Variants in SPOCK2 observed in about 807,000 individuals in gnomAD.
SPOCK2 encodes testican-2.
SPOCK2 carries 39 observed loss-of-function variants against 60.1 expected under a neutral mutation model. The ratio of observed to expected loss-of-function variants is 0.65; its 90% CI spans 0.50 to 0.85. The LOEUF (loss-of-function observed/expected upper bound fraction) is 0.85, where lower values mean the gene tolerates loss of function less well. Ranked by LOEUF, SPOCK2 falls within the 40% of genes least tolerant of loss-of-function variation. The probability of loss-of-function intolerance (pLI) is 0.00; values close to 1 mark genes in which losing one functional copy is unlikely to be tolerated. For synonymous variants in SPOCK2, 217 were observed against 231.5 expected, an observed-to-expected ratio of 0.94 and a Z score of 0.57; for missense variants, 523 against 567.4, an observed-to-expected ratio of 0.92 and a Z score of 0.80.
Position 72,062,528 on chromosome 10 carries a change from C to T in SPOCK2, c.*232G>A. 1.4e-6 allele frequency: 1 copy of T among 715,944 alleles called. No homozygotes were observed. The highest frequency in any genetic ancestry group is 2.1e-6 in the Non-Finnish European group (1 of 474,608). The allele number at this position is 715,944 out of a possible 1,614,324, so 44.3% of individuals were successfully genotyped here. A position where few individuals can be genotyped will look rare whatever the true frequency, so the allele number is the denominator to read the frequency against. The stretch of plus-strand genomic sequence containing the variant: ...CAGTGTGGATCAAGGACACATTTGT[C>T]AGCGCATGCCACACACACACACACA... On this transcript the variant is annotated 3_prime_UTR_variant, in exon 11 of 11. Coordinates refer to ENST00000373109, the MANE Select transcript of SPOCK2 (RefSeq NM_001244950.2). The surrounding 1 kb of genome is among the most constrained non-coding windows in gnomAD (Gnocchi z 4.3).
At chr10:72,064,656 C>G (rs373952864) in intron 8 of SPOCK2, among the ~76,000 whole-genome samples, 1 of 152,192 alleles carries the variant, frequency 6.6e-6, no homozygotes, top group Non-Finnish European at 1.5e-5. Flanking sequence ...CAACAATGGA[C>G]GGTGGCCCCA....
rs1287622614 is a variant in SPOCK2 at position 72,087,854 on chromosome 10, TC to T, written c.189+285del. ...CCCCCGGCCCCGCACCCCTTCCCAC[TC>T]CCGGCCCGCAGGGGAGACCCCGGAG... On this transcript the variant is annotated intron_variant, in intron 1 of 10. Transcript: ENST00000373109. This position sits in a 1 kb window ranked among gnomAD's most constrained non-coding sequence, Gnocchi z 4.7. 1.3e-5 allele frequency among the ~76,000 whole-genome samples: 2 copies of T among 151,588 alleles called. No individual in the cohort carries two copies. The highest frequency in any genetic ancestry group is 4.9e-5 in the African/African-American group (2 of 41,234).
At chr10:72,086,960 C>T in intron 1 of SPOCK2, 1 of 1,551,660 alleles carries the variant, frequency 6.4e-7, no homozygotes, top group East Asian at 2.4e-5. Flanking sequence ...ATGGTGTGGC[C>T]TGCGTTGTAC....
At chr10:72,088,607 C>G, upstream of SPOCK2, 1 of 302,588 alleles carries the variant, frequency 3.3e-6, no homozygotes. Flanking sequence ...CGTTTGACAT[C>G]ATCATACCTG....
chr10:72,071,456 T>G (rs1840646387), intron 4 of SPOCK2, among the ~76,000 whole-genome samples: 1 of 152,228 alleles, frequency 6.6e-6, no homozygotes, highest in South Asian at 2.1e-4. Context: ...CCCAAAGTGC[T>G]GGGATTACAG....
rs1423472837 is a variant in SPOCK2 at position 72,062,786 on chromosome 10, C to A, written c.1249G>T (p.Ala417Ser). The change falls in exon 11 of 11, where the codon GCT becomes TCT. Residue 417 changes from alanine (A) to serine (S), a missense_variant. Ala to Ser is a moderately conservative substitution (Grantham distance 99). Transcript: ENST00000373109. This position sits in a 1 kb window ranked among gnomAD's most constrained non-coding sequence, Gnocchi z 4.3. Reference sequence around the variant, plus strand: ...TACCAGATGTAGCCCCCGTCGTCAGCCTCGCCTGCCTCGCCCTCCTCCTCC... The same window carrying A: ...TACCAGATGTAGCCCCCGTCGTCAGACTCGCCTGCCTCGCCCTCCTCCTCC... ...AEEEEGEAGE[A>S]DDGGYIW 5.0e-6 allele frequency: 8 copies of A among 1,607,548 alleles called. No homozygotes were observed. In the Admixed American group the frequency reaches 5.0e-5, roughly 10 times the overall value.
chr10:72,082,492 C>T (rs971996084), intron 1 of SPOCK2, among the ~76,000 whole-genome samples: 4 of 152,074 alleles, frequency 2.6e-5, no homozygotes, highest in African/African-American at 9.7e-5. Context: ...GGAGGCGGGG[C>T]CTTGGGGGAG....
chr10:72,081,255 CTG>C (rs1840779759), intron 1 of SPOCK2, among the ~76,000 whole-genome samples: 1 of 152,216 alleles, frequency 6.6e-6, no homozygotes, highest in African/African-American at 2.4e-5. Flanking sequence ...TTCTTCCAAA[CTG>C]AGAACTTGGA....
intron 6 of SPOCK2, 118 bp from the exon 7 acceptor site, chr10:72,067,850 C>A: frequency 6.8e-7 from 1 of 1,461,202 alleles, no homozygotes. Flanking sequence ...GAGGCAGCAG[C>A]AGAAGGGAAG....
rs750090353 is a variant in SPOCK2 at position 72,062,975 on chromosome 10, G to T, written c.1129+50C>A. 55 of 1,577,312 alleles carry T rather than the reference G, an allele frequency of 3.5e-5. No homozygotes were observed. Among genetic ancestry groups the T allele is most frequent in the Non-Finnish European group, 4.6e-5 (54 of 1,163,744 alleles). ...CGCACCCCCCAGCATCCCACGACAA[G>T]GGCCCCCAGGCCTGGGCCCCCAGCA... On this transcript the variant is annotated intron_variant, in intron 10 of 10. Coordinates refer to ENST00000373109, the MANE Select transcript of SPOCK2 (RefSeq NM_001244950.2). This position sits in a 1 kb window ranked among gnomAD's most constrained non-coding sequence, Gnocchi z 4.3.
At chr10:72,080,373 G>T (rs1255545703) in intron 1 of SPOCK2, among the ~76,000 whole-genome samples, 1 of 152,214 alleles carries the variant, frequency 6.6e-6, no homozygotes, top group Non-Finnish European at 1.5e-5. Context: ...CTCAGGCAAC[G>T]GGGCCTGTGA....
chr10:72,081,006 C>G (rs912585797), intron 1 of SPOCK2, among the ~76,000 whole-genome samples: 32 of 152,072 alleles, frequency 2.1e-4, no homozygotes, highest in Admixed American at 1.8e-3. Flanking sequence ...ATGTTCTGAG[C>G]TGCCTCAGGA....
At chr10:72,074,059 A>G (rs1840683678) in intron 1 of SPOCK2, among the ~76,000 whole-genome samples, 1 of 152,174 alleles carries the variant, frequency 6.6e-6, no homozygotes, top group African/African-American at 2.4e-5. Flanking sequence ...TGCCCCCTTC[A>G]TCCTGAGTTC....
rs12764165 is a variant in SPOCK2, at chr10:72,065,170, A to G, written c.929-930T>C. On this transcript the variant is annotated intron_variant, in intron 8 of 10. Transcript: ENST00000373109. ...CCTGCCTCAGCCTCCCAAGTAGCTGAGATTACAGGCACCTGCCACCATGCC... is the reference window on the plus strand; with the variant it reads ...CCTGCCTCAGCCTCCCAAGTAGCTGGGATTACAGGCACCTGCCACCATGCC... 7.3e-3 allele frequency among the ~76,000 whole-genome samples: 697 copies of G among 95,018 alleles called. 81 individuals are homozygous for G. Among genetic ancestry groups the G allele is most frequent in the African/African-American group, 0.019 (653 of 33,980 alleles). The allele number at this position is 95,018 out of a possible 152,430, so 62.3% of individuals were successfully genotyped here. A position where few individuals can be genotyped will look rare whatever the true frequency, so the allele number is the denominator to read the frequency against.
At chr10:72,088,098 C>T (rs778720623) in intron 1 of SPOCK2, 42 bp downstream of exon 1, 3 of 1,602,680 alleles carry the variant, frequency 1.9e-6, no homozygotes, top group South Asian at 2.2e-5. Flanking sequence ...ATCCCCGAAC[C>T]CGCAACCCCG....
chr10:72,088,592 C>A, upstream of SPOCK2: 2 of 406,426 alleles, frequency 4.9e-6, no homozygotes, highest in Non-Finnish European at 8.7e-6. Flanking sequence ...GTAGCATCAG[C>A]ATCACGTTTG....
chr10:72,086,853 A>G lies in SPOCK2; in HGVS notation c.189+1287T>C, dbSNP rs577110245. The G allele has an allele frequency of 9.9e-5, 154 of 1,548,338 alleles. 2 individuals carry two copies. The African/African-American group carries it at 1.8e-3, about 18-fold the overall frequency. ...AAGATCCAAATCTCTGCCTCTTCCC[A>G]TCACTTGGCTGGATAGCCTATGAAG... On this transcript the variant is annotated intron_variant, in intron 1 of 10. Coordinates refer to ENST00000373109, the MANE Select transcript of SPOCK2 (RefSeq NM_001244950.2).
At chr10:72,074,718 G>A (rs979556234) in intron 1 of SPOCK2, among the ~76,000 whole-genome samples, 3 of 152,170 alleles carry the variant, frequency 2.0e-5, no homozygotes, top group African/African-American at 7.2e-5. Flanking sequence ...GGGAAGGATG[G>A]GGAGGGCGGG....
At chr10:72,084,079 A>G (rs150578130) in intron 1 of SPOCK2, among the ~76,000 whole-genome samples, 94 of 152,262 alleles carry the variant, frequency 6.2e-4, no homozygotes, top group African/African-American at 1.9e-3. Context: ...ACCAGACCCC[A>G]GGATCATGGT....
Sources: gnomAD v4.1 joint callset for allele counts (sites outside exome capture counted in the v4.1 genomes callset) on GRCh38, gnomAD v4.1.1 for gene constraint, Gnocchi (gnomAD v3.1) non-coding constraint, MANE v1.5 for transcripts, NCBI Gene and HGNC (gene_info 2026-07-23, HGNC 2026-07-21) for gene names.